Variants in AK5 observed in about 807,000 individuals in gnomAD.
The protein encoded by AK5 is adenylate kinase isoenzyme 5.
A neutral mutation model predicts 69.5 loss-of-function variants in AK5; 27 were observed. The observed-to-expected ratio is 0.39, with a 90% CI of 0.29 to 0.54. The LOEUF (loss-of-function observed/expected upper bound fraction) is 0.54, where lower values mean the gene tolerates loss of function less well. Ranked by LOEUF, AK5 falls within the 20% of genes least tolerant of loss-of-function variation. The pLI is 0.71. For missense variants in AK5, 531 were observed against 700.4 expected, an observed-to-expected ratio of 0.76 and a Z score of 2.73; for synonymous variants, 260 against 244.4, an observed-to-expected ratio of 1.06 and a Z score of -0.60.
At chr1:77,492,329 G>A (rs1445063839) in intron 10 of AK5, among the ~76,000 whole-genome samples, 1 of 152,186 alleles carries the variant, frequency 6.6e-6, no homozygotes, top group East Asian at 1.9e-4. Flanking sequence ...TGGTAATGAA[G>A]CACACAACTA....
At chr1:77,532,754 TG>T (rs1184591550) in intron 12 of AK5, among the ~76,000 whole-genome samples, 1 of 152,158 alleles carries the variant, frequency 6.6e-6, no homozygotes, top group Non-Finnish European at 1.5e-5. Context: ...CCAAAGGCCA[TG>T]GAGAATCCGG....
At chr1:77,294,632 C>T (rs144565513) in intron 3 of AK5, among the ~76,000 whole-genome samples, 3 of 152,108 alleles carry the variant, frequency 2.0e-5, no homozygotes, top group East Asian at 3.9e-4. Context: ...TTACATAGCA[C>T]ATAACATCTG....
chr1:77,393,043 C>T (rs943645233), intron 6 of AK5, among the ~76,000 whole-genome samples: 4 of 152,092 alleles, frequency 2.6e-5, no homozygotes, highest in Non-Finnish European at 2.9e-5. Context: ...ATCAGTCTTC[C>T]GACCTCAGCC....
chr1:77,454,407 C>G (rs1313847213), intron 8 of AK5, among the ~76,000 whole-genome samples: 1 of 152,140 alleles, frequency 6.6e-6, no homozygotes, highest in East Asian at 1.9e-4. Flanking sequence ...CTTTCATGAA[C>G]CAACAGCAGG....
chr1:77,344,994 C>CA lies in AK5; in HGVS notation c.891+4439dup, dbSNP rs11290615. On this transcript the variant is annotated intron_variant, in intron 6 of 13. Coordinates refer to ENST00000354567, the MANE Select transcript of AK5 (RefSeq NM_174858.3). Reference sequence around the variant, plus strand: ...AAGAAAAAGGTCTTCTTAAATTGTGCAAAAAAAAAAAAAGCTCAGATGCAA... The same window carrying CA: ...AAGAAAAAGGTCTTCTTAAATTGTGCAAAAAAAAAAAAAAGCTCAGATGCAA... Among the ~76,000 whole-genome samples the CA allele has an allele frequency of 1.2e-3, 174 of 140,154 alleles. 1 individual carries two copies. Among genetic ancestry groups the CA allele is most frequent in the African/African-American group, 2.9e-3 (111 of 37,988 alleles). 91.9% of individuals were successfully genotyped at this position (140,154 alleles called of 152,430 possible).
At chr1:77,383,871 G>T (rs1037585435) in intron 6 of AK5, among the ~76,000 whole-genome samples, 3 of 151,930 alleles carry the variant, frequency 2.0e-5, no homozygotes, top group East Asian at 1.9e-4. Context: ...AATATATGGG[G>T]TTTTTCAATT....
intron 10 of AK5, among the ~76,000 whole-genome samples, chr1:77,497,706 GCC>G (rs36083236): frequency 2.0e-5 from 3 of 151,824 alleles, no homozygotes; most frequent in East Asian, 1.9e-4. Context: ...TCCCACCTCG[GCC>G]CCCGGAGTAG....
chr1:77,306,525 T>C (rs1170860687), intron 5 of AK5, among the ~76,000 whole-genome samples: 1 of 146,386 alleles, frequency 6.8e-6, no homozygotes, highest in African/African-American at 2.5e-5. Flanking sequence ...GATTTTTGCA[T>C]CAGTATTCAT....
At chr1:77,436,292 C>G (rs1651955205) in intron 8 of AK5, among the ~76,000 whole-genome samples, 1 of 151,892 alleles carries the variant, frequency 6.6e-6, no homozygotes, top group African/African-American at 2.4e-5. Context: ...AACTTCTCCT[C>G]CCAAAACACA....
chr1:77,416,480 T>C (rs1650436443), intron 7 of AK5, among the ~76,000 whole-genome samples: 1 of 152,232 alleles, frequency 6.6e-6, no homozygotes, highest in South Asian at 2.1e-4. Context: ...AAAAACTTTA[T>C]CATCCTGTAA....
intron 8 of AK5, among the ~76,000 whole-genome samples, chr1:77,462,550 T>C (rs1653906176): frequency 6.6e-6 from 1 of 152,302 alleles, no homozygotes; most frequent in South Asian, 2.1e-4. Context: ...TGAATATATA[T>C]ATACAGTTTT....
chr1:77,352,550 A>G (rs1288841817), intron 6 of AK5, among the ~76,000 whole-genome samples: 3 of 152,214 alleles, frequency 2.0e-5, no homozygotes, highest in East Asian at 3.9e-4. Flanking sequence ...GCCAGAAAAT[A>G]TATTGATAAT....
intron 5 of AK5, among the ~76,000 whole-genome samples, chr1:77,322,122 A>G (rs1660566320): frequency 6.6e-6 from 1 of 152,200 alleles, no homozygotes; most frequent in Non-Finnish European, 1.5e-5. Context: ...GTTTGAATAC[A>G]TAGTCATGGG....
intron 10 of AK5, among the ~76,000 whole-genome samples, chr1:77,502,619 T>A (rs563619369): frequency 1.6e-4 from 25 of 151,814 alleles, no homozygotes; most frequent in African/African-American, 5.1e-4. Flanking sequence ...ATTTGGCTTT[T>A]AAAAAAAAAG....
chr1:77,360,309 T>G (rs777913776), intron 6 of AK5, among the ~76,000 whole-genome samples: 1 of 152,122 alleles, frequency 6.6e-6, no homozygotes, highest in Non-Finnish European at 1.5e-5. Flanking sequence ...GATGCTAAAT[T>G]TAAAATGTTC....
chr1:77,436,864 A>G (rs541578278), intron 8 of AK5, among the ~76,000 whole-genome samples: 1 of 152,244 alleles, frequency 6.6e-6, no homozygotes, highest in Non-Finnish European at 1.5e-5. Flanking sequence ...CCAACTAAGA[A>G]CCATAAAGTT....
intron 6 of AK5, among the ~76,000 whole-genome samples, chr1:77,349,196 G>A (rs1350646135): frequency 2.0e-5 from 3 of 152,146 alleles, no homozygotes; most frequent in Non-Finnish European, 4.4e-5. Flanking sequence ...TATTCGGAAT[G>A]TTTCTGTTCT....
At position 77,340,455 on chromosome 1, in the gene AK5, C is replaced by G. The variant is rs1661593059; in HGVS notation, c.778C>G (p.Gln260Glu). Reference sequence around the variant, plus strand: ...AGAAAGATTACTGAAGCGTGCAGAACAGCAGGGCCGACCAGACGACAATGT... The same window carrying G: ...AGAAAGATTACTGAAGCGTGCAGAAGAGCAGGGCCGACCAGACGACAATGT... ...LKERLLKRAE[Q>E]QGRPDDNVKA... Residue 260 changes from glutamine (Q) to glutamate (E), a missense_variant, in exon 6 of 14, where the codon CAG (glutamine) becomes GAG (glutamate). Gln to Glu is a conservative substitution (Grantham distance 29). Coordinates refer to ENST00000354567, the MANE Select transcript of AK5 (RefSeq NM_174858.3). The G allele has an allele frequency of 1.2e-6, 2 of 1,614,114 alleles. No homozygotes were observed. The highest frequency in any genetic ancestry group is 1.7e-6 in the Non-Finnish European group (2 of 1,179,988).
intron 5 of AK5, among the ~76,000 whole-genome samples, chr1:77,336,717 G>A (rs926985070): frequency 2.0e-5 from 3 of 151,974 alleles, no homozygotes; most frequent in African/African-American, 7.2e-5. Context: ...CTTTCTGGTT[G>A]AAGTACTCCC....
Sources: gnomAD v4.1 joint callset for allele counts (sites outside exome capture counted in the v4.1 genomes callset) on GRCh38, gnomAD v4.1.1 for gene constraint, MANE v1.5 for transcripts, NCBI Gene and HGNC (gene_info 2026-07-23, HGNC 2026-07-21) for gene names.